The following PTPRK variants were observed in gnomAD, a reference collection of about 807,000 sequenced individuals.
PTPRK encodes the protein receptor-type tyrosine-protein phosphatase kappa.
PTPRK carries 75 observed loss-of-function variants against 178.0 expected under a neutral mutation model. The observed-to-expected ratio is 0.42, with a 90% CI of 0.35 to 0.51. The LOEUF (loss-of-function observed/expected upper bound fraction) is 0.51. PTPRK is among the 20% of genes least tolerant of loss of function. The pLI is 0.02. For synonymous variants in PTPRK, 637 were observed against 620.6 expected (o/e 1.03, Z -0.39); for missense variants, 1,441 against 1,797.8 (o/e 0.80, Z 3.59).
At chr6:128,174,189 C>T (rs1484420374) in intron 7 of PTPRK, among the ~76,000 whole-genome samples, 2 of 151,938 alleles carry the variant, frequency 1.3e-5, no homozygotes, top group Non-Finnish European at 2.9e-5. Flanking sequence ...CTAATATTTA[C>T]TATGGTCTTC....
intron 13 of PTPRK, among the ~76,000 whole-genome samples, chr6:128,011,672 A>T (rs1779076345): frequency 6.6e-6 from 1 of 151,178 alleles, no homozygotes; most frequent in South Asian, 2.1e-4. Flanking sequence ...AACTGACATG[A>T]GGGTGATGGG....
intron 1 of PTPRK, among the ~76,000 whole-genome samples, chr6:128,470,855 A>T (rs1013304563): frequency 6.6e-6 from 1 of 151,142 alleles, no homozygotes; most frequent in Non-Finnish European, 1.5e-5. Flanking sequence ...AGGAAAAAAA[A>T]GAAACTATAG....
intron 1 of PTPRK, among the ~76,000 whole-genome samples, chr6:128,477,550 C>T (rs1303117787): frequency 6.6e-6 from 1 of 152,024 alleles, no homozygotes; most frequent in African/African-American, 2.4e-5. Context: ...TCAACATTCA[C>T]CACAAAGTTG....
intron 13 of PTPRK, among the ~76,000 whole-genome samples, chr6:128,050,005 G>A (rs376082270): frequency 6.6e-5 from 10 of 152,030 alleles, no homozygotes; most frequent in Non-Finnish European, 1.0e-4. Context: ...GCATGGTGGC[G>A]CATGCCTGTA....
At chr6:128,470,259 C>CATAT (rs34303350) in intron 1 of PTPRK, among the ~76,000 whole-genome samples, 3,416 of 147,812 alleles carry the variant, frequency 0.023, 118 homozygotes, top group African/African-American at 0.072. Context: ...TCTCAGTTTT[C>CATAT]ATATATATAT....
At chr6:128,325,155 G>C (rs1829373467) in intron 2 of PTPRK, among the ~76,000 whole-genome samples, 1 of 152,088 alleles carries the variant, frequency 6.6e-6, no homozygotes, top group Non-Finnish European at 1.5e-5. Context: ...ACAGTCTCTT[G>C]ATCAATAGAG....
At chr6:128,510,211 T>G (rs1856968019) in intron 1 of PTPRK, among the ~76,000 whole-genome samples, 2 of 152,078 alleles carry the variant, frequency 1.3e-5, no homozygotes, top group Non-Finnish European at 2.9e-5. Flanking sequence ...GAAGGTCCAT[T>G]ACGGACCATT....
At chr6:128,357,177 T>C (rs1047605101) in intron 2 of PTPRK, among the ~76,000 whole-genome samples, 3 of 152,220 alleles carry the variant, frequency 2.0e-5, no homozygotes, top group Admixed American at 2.0e-4. Context: ...CCTTCACATT[T>C]TCTTTTGCCT....
At chr6:128,320,431 A>G (rs1417108677) in intron 3 of PTPRK, among the ~76,000 whole-genome samples, 3 of 152,144 alleles carry the variant, frequency 2.0e-5, no homozygotes, top group Non-Finnish European at 4.4e-5. Flanking sequence ...AGTTACTTCT[A>G]TGTTGTTATT....
chr6:128,053,736 C>A (rs1275256516), intron 13 of PTPRK, among the ~76,000 whole-genome samples: 1 of 152,178 alleles, frequency 6.6e-6, no homozygotes, highest in African/African-American at 2.4e-5. Context: ...CCACACGAGG[C>A]TGATACTCTG....
rs761448355 is a variant in PTPRK, at chr6:128,219,008, G to A, written c.782C>T (p.Thr261Ile). 28 of 1,613,898 alleles carry A rather than the reference G, an allele frequency of 1.7e-5. No individual in the cohort carries two copies. The South Asian group carries it at 2.9e-4, about 16-fold the overall frequency. ...GCGATACAAATCCTGGTCAGTTTTT[G>A]TCACTTCTTGCAATCTGAAGGAAGC... ...FAASFRLQEV[T>I]KTDQDLYRCV... The change falls in exon 6 of 30, where the codon ACA becomes ATA. Residue 261 changes from threonine to isoleucine, a missense_variant. Physicochemically the swap from Thr to Ile is moderately conservative, Grantham distance 89 (BLOSUM62 -1). Transcript: ENST00000368226.
chr6:128,395,343 T>C lies in PTPRK; in HGVS notation c.223+2223A>G, dbSNP rs114005612. 6.5e-3 allele frequency among the ~76,000 whole-genome samples: 983 copies of C among 152,284 alleles called. 10 individuals are homozygous for C. The highest frequency in any genetic ancestry group is 0.022 in the African/African-American group (921 of 41,558). The stretch of plus-strand genomic sequence containing the variant: ...ACTTAATGTCCTATTAATTGGAAGA[T>C]ATGGCTGAATTTCAAATGCTTTCAT... On this transcript the variant is annotated intron_variant, in intron 2 of 29. Transcript: ENST00000368226.
At chr6:128,298,214 C>T (rs145286486) in intron 3 of PTPRK, among the ~76,000 whole-genome samples, 2 of 151,954 alleles carry the variant, frequency 1.3e-5, no homozygotes, top group Non-Finnish European at 1.5e-5. Flanking sequence ...CAATAACAGG[C>T]TCTGAAATTG....
intron 1 of PTPRK, among the ~76,000 whole-genome samples, chr6:128,438,069 G>A (rs1415655668): frequency 6.6e-6 from 1 of 152,194 alleles, no homozygotes; most frequent in Non-Finnish European, 1.5e-5. Flanking sequence ...ATCACCATTT[G>A]GATGAAAAAA....
intron 7 of PTPRK, 115 bp from the exon 8 acceptor site, chr6:128,090,107 G>C (rs1402712457): frequency 1.2e-6 from 1 of 835,230 alleles, no homozygotes; most frequent in Admixed American, 2.7e-5. Flanking sequence ...TGGAAGTCAT[G>C]TTTTATTTTC....
intron 1 of PTPRK, among the ~76,000 whole-genome samples, chr6:128,426,000 T>C (rs780559747): frequency 6.6e-6 from 1 of 152,242 alleles, no homozygotes; most frequent in Non-Finnish European, 1.5e-5. Flanking sequence ...TATGTAATGT[T>C]TGAAAAATTT....
In PTPRK at chr6:128,519,719, TG is replaced by T. The variant is rs1411658223; in HGVS notation, c.100+539del. ...GGCAAGCCCGGGAGCAACCCAGAGC[TG>T]GGGGAGGAGAAAAGGGGACTCCGGG... On this transcript the variant is annotated intron_variant, in intron 1 of 29. Coordinates refer to ENST00000368226, the MANE Select transcript of PTPRK (RefSeq NM_002844.4). This position sits in a 1 kb window ranked among gnomAD's most constrained non-coding sequence, Gnocchi z 4.3. 2.6e-5 allele frequency among the ~76,000 whole-genome samples: 4 copies of T among 151,948 alleles called. No homozygotes were observed. Among genetic ancestry groups the T allele is most frequent in the Non-Finnish European group, 5.9e-5 (4 of 67,984 alleles).
intron 1 of PTPRK, among the ~76,000 whole-genome samples, chr6:128,435,076 G>A (rs1164942268): frequency 9.3e-6 from 1 of 107,690 alleles, no homozygotes; most frequent in Non-Finnish European, 1.8e-5. Flanking sequence ...AAGGAAGGAA[G>A]GAAGGAAGGA....
intron 3 of PTPRK, among the ~76,000 whole-genome samples, chr6:128,262,857 C>CAAAAAAAAAAAA (rs747334195): frequency 2.1e-4 from 16 of 75,080 alleles, no homozygotes; most frequent in African/African-American, 8.1e-4. Flanking sequence ...AACCAATAAC[C>CAAAAAAAAAAAA]AAAAAAAAAA....
Sources: allele counts gnomAD v4.1 joint callset (sites outside exome capture counted in the v4.1 genomes callset), GRCh38; gene constraint gnomAD v4.1.1; non-coding constraint Gnocchi (gnomAD v3.1); transcripts MANE v1.5; gene names NCBI Gene and HGNC (gene_info 2026-07-23, HGNC 2026-07-21).